TCEA3: variants seen among roughly 807,000 people sequenced by gnomAD.
TCEA3 encodes the protein transcription elongation factor A3, also known as transcription elongation factor A protein 3.
A neutral mutation model predicts 44.0 loss-of-function variants in TCEA3; 36 were observed. The observed-to-expected ratio is 0.82, with a 90% confidence interval of 0.63 to 1.08. The LOEUF is 1.08. Among genes scored for constraint, TCEA3 ranks in the 50% least tolerant of loss-of-function variants. The pLI is 0.00. For missense variants in TCEA3, 392 were observed against 441.2 expected (o/e 0.89, Z 1.00); for synonymous variants, 162 against 159.7 (o/e 1.01, Z -0.11).
intron 4 of TCEA3, among the ~76,000 whole-genome samples, chr1:23,416,028 C>T (rs985137655): frequency 2.3e-4 from 28 of 120,282 alleles, no homozygotes; most frequent in African/African-American, 7.9e-4. Flanking sequence ...TTTTGTGAGA[C>T]GGAGTTTCGC....
chr1:23,416,904 C>T (rs374033408), intron 4 of TCEA3, among the ~76,000 whole-genome samples: 13 of 152,138 alleles, frequency 8.5e-5, no homozygotes, highest in East Asian at 1.9e-4. Flanking sequence ...CTTGTTTCCC[C>T]GCACCTAGGC....
intron 5 of TCEA3, 33 bp from the exon 6 acceptor site, chr1:23,397,988 A>C (rs755473451): frequency 6.2e-7 from 1 of 1,609,922 alleles, no homozygotes; most frequent in South Asian, 1.1e-5. Flanking sequence ...GACATTTGAC[A>C]TTAAGAGAGT....
intron 8 of TCEA3, among the ~76,000 whole-genome samples, chr1:23,393,607 A>C (rs761975604): frequency 6.6e-6 from 1 of 152,202 alleles, no homozygotes; most frequent in Non-Finnish European, 1.5e-5. Flanking sequence ...CAGGATCCTC[A>C]TCTGTAGAAT....
chr1:23,400,354 C>A (rs1364035554), intron 5 of TCEA3, among the ~76,000 whole-genome samples: 1 of 148,398 alleles, frequency 6.7e-6, no homozygotes, highest in Non-Finnish European at 1.5e-5. Flanking sequence ...TGACTACAGG[C>A]AGATGCCGCC....
At chr1:23,421,623 G>A (rs747182474) in intron 1 of TCEA3, among the ~76,000 whole-genome samples, 4 of 152,074 alleles carry the variant, frequency 2.6e-5, no homozygotes, top group Admixed American at 6.5e-5. Context: ...GGGAGGAGAC[G>A]TACACTACCA....
intron 8 of TCEA3, among the ~76,000 whole-genome samples, chr1:23,393,216 G>C (rs553261456): frequency 6.6e-6 from 1 of 152,140 alleles, no homozygotes; most frequent in Non-Finnish European, 1.5e-5. Context: ...GCAGTAATGC[G>C]AGTGATGGGG....
Position 23,403,983 on chromosome 1 carries a change from C to T in TCEA3, c.443+4681G>A, listed in dbSNP as rs570893605. 1.7e-4 allele frequency: 108 copies of T among 627,180 alleles called. 1 individual carries two copies. In the South Asian group the frequency reaches 1.9e-3, roughly 11 times the overall value. The allele number at this position is 627,180 out of a possible 1,614,324, so 38.9% of individuals were successfully genotyped here. On this transcript the variant is annotated intron_variant, in intron 5 of 10. Coordinates refer to ENST00000450454, the MANE Select transcript of TCEA3 (RefSeq NM_003196.3). ...AAACTGCAGAGAGGGCATCATCGGC[C>T]GGGGTGGGAGGTTGGATTTATCAAC...
At chr1:23,382,049 A>ATT (rs5773042) in intron 10 of TCEA3, among the ~76,000 whole-genome samples, 298 of 144,120 alleles carry the variant, frequency 2.1e-3, no homozygotes, top group Middle Eastern at 7.2e-3. Flanking sequence ...ATCACTCCCA[A>ATT]TTTTTTTTTT....
chr1:23,420,513 G>A (rs1640031263), intron 1 of TCEA3, among the ~76,000 whole-genome samples: 1 of 152,122 alleles, frequency 6.6e-6, no homozygotes, highest in African/African-American at 2.4e-5. Context: ...CAAAGTGCTG[G>A]GATTACAGGC....
At chr1:23,387,478 C>A in intron 8 of TCEA3, 59 bp from the exon 9 acceptor site, 1 of 1,505,400 alleles carries the variant, frequency 6.6e-7, no homozygotes, top group Non-Finnish European at 8.9e-7. Context: ...CTGCCCTACA[C>A]CCGGTTTCTA....
intron 4 of TCEA3, 82 bp downstream of exon 4, chr1:23,417,167 T>C (rs1363184061): frequency 6.6e-7 from 1 of 1,514,300 alleles, no homozygotes; most frequent in Non-Finnish European, 9.0e-7. Flanking sequence ...ATGAAAGGTT[T>C]AAATGAGATA....
chr1:23,408,358 AC>A (rs996532758), intron 5 of TCEA3, among the ~76,000 whole-genome samples: 1 of 152,120 alleles, frequency 6.6e-6, no homozygotes, highest in Non-Finnish European at 1.5e-5. Context: ...CCAGTCAGCC[AC>A]CCCAGGGAAG....
rs1553169445 is a variant in TCEA3 at position 23,419,067 on chromosome 1, C to T, written c.132+10G>A. ...AGGCACTGTCCCAAGGCTTCCCACC[C>T]CCGCCCCACCTGTAGTAGCTGGATG... On this transcript the variant is annotated intron_variant, in intron 2 of 10. Transcript: ENST00000450454. 2.6e-6 allele frequency: 4 copies of T among 1,529,332 alleles called. No homozygotes were observed. Among genetic ancestry groups the T allele is most frequent in the Non-Finnish European group, 3.6e-6 (4 of 1,123,850 alleles). The allele number at this position is 1,529,332 out of a possible 1,614,324, so 94.7% of individuals were successfully genotyped here. A position where few individuals can be genotyped will look rare whatever the true frequency, so the allele number is the denominator to read the frequency against.
intron 8 of TCEA3, among the ~76,000 whole-genome samples, chr1:23,389,612 T>G (rs1305385612): frequency 6.6e-6 from 1 of 152,134 alleles, no homozygotes; most frequent in Non-Finnish European, 1.5e-5. Flanking sequence ...ATCACGTCAC[T>G]GCACTCCAGC....
At chr1:23,418,879 A>G (rs1187124929) in intron 2 of TCEA3, among the ~76,000 whole-genome samples, 198 bp downstream of exon 2, 4 of 151,632 alleles carry the variant, frequency 2.6e-5, no homozygotes, top group Non-Finnish European at 2.9e-5. Flanking sequence ...CTACACCTAG[A>G]AGATACCCTC....
intron 9 of TCEA3, among the ~76,000 whole-genome samples, chr1:23,386,224 G>A (rs1483344835): frequency 6.6e-6 from 1 of 152,128 alleles, no homozygotes; most frequent in Non-Finnish European, 1.5e-5. Context: ...TTGTTTTGTT[G>A]AGTCAGGGTC....
At chr1:23,408,770 A>T (rs1250556366) in intron 4 of TCEA3, 44 bp from the exon 5 acceptor site, 1 of 1,537,672 alleles carries the variant, frequency 6.5e-7, no homozygotes, top group Non-Finnish European at 8.9e-7. Context: ...GTAGACTAGC[A>T]TCAGTACTGA....
intron 9 of TCEA3, among the ~76,000 whole-genome samples, chr1:23,385,178 G>C (rs2148542527): frequency 6.6e-6 from 1 of 152,288 alleles, no homozygotes; most frequent in East Asian, 1.9e-4. Flanking sequence ...CTCCTGTTCT[G>C]GTTTTCTAAG....
intron 10 of TCEA3, chr1:23,383,808 A>G: frequency 1.0e-6 from 1 of 986,158 alleles, no homozygotes; most frequent in Non-Finnish European, 1.2e-6. Context: ...CGTGAAAACA[A>G]AACTTCTGCC....
Sources: gnomAD v4.1 joint callset for allele counts (sites outside exome capture counted in the v4.1 genomes callset) on GRCh38, gnomAD v4.1.1 for gene constraint, MANE v1.5 for transcripts, NCBI Gene and HGNC (gene_info 2026-07-23, HGNC 2026-07-21) for gene names.